Variants in PGLS observed in about 807,000 individuals in gnomAD.
PGLS encodes the protein 6-phosphogluconolactonase.
In PGLS, 21 loss-of-function variants were observed where a neutral mutation model predicts 23.2. The ratio of observed to expected loss-of-function variants is 0.91; its 90% confidence interval spans 0.64 to 1.31. The LOEUF (loss-of-function observed/expected upper bound fraction) is 1.31, where lower values mean the gene tolerates loss of function less well. PGLS is among the 50% of genes most tolerant of loss of function. The pLI is 0.00. For missense variants in PGLS, 410 were observed against 354.0 expected, an observed-to-expected ratio of 1.16 and a Z score of -1.27; for synonymous variants, 179 against 165.4, an observed-to-expected ratio of 1.08 and a Z score of -0.63.
Position 17,520,933 on chromosome 19 carries a change from C to G in PGLS, c.640-11C>G. On this transcript the variant is annotated splice_polypyrimidine_tract_variant and intron_variant, in intron 4 of 4. Transcript: ENST00000252603. ...GCAGGCAGGGCCTTACTCTTCTGCCCTCTTCTTCAGCGCATTTTGGAGGAC... is the reference window on the plus strand; with the variant it reads ...GCAGGCAGGGCCTTACTCTTCTGCCGTCTTCTTCAGCGCATTTTGGAGGAC... The G allele has an allele frequency of 1.3e-6, 2 of 1,587,298 alleles. No homozygotes were observed. The highest frequency in any genetic ancestry group is 1.3e-5 in the African/African-American group (1 of 74,424).
At chr19:17,517,884 A>G (rs372367113) in intron 4 of PGLS, 34 bp downstream of exon 4, 5 of 1,611,026 alleles carry the variant, frequency 3.1e-6, no homozygotes, top group Non-Finnish European at 2.5e-6. Flanking sequence ...TGGGAAGTTC[A>G]TGGGCATGTG....
rs145085408 is a variant in PGLS, at chr19:17,517,476, T to G, written c.498+87T>G. ...TCCAGAGGGAGAGCCACCTGCCGGG[T>G]GGGGTGTCTAGAGCCAGGGTTCAAG... On this transcript the variant is annotated intron_variant, in intron 3 of 4. Transcript: ENST00000252603. 927 of 1,127,568 alleles carry G rather than the reference T, an allele frequency of 8.2e-4. 4 individuals carry two copies. The African/African-American group carries it at 0.012, about 15-fold the overall frequency. The allele number at this position is 1,127,568 out of a possible 1,614,324, so 69.8% of individuals were successfully genotyped here. A position where few individuals can be genotyped will look rare whatever the true frequency, so the allele number is the denominator to read the frequency against.
At chr19:17,511,983 G>A (rs1026294604) in intron 1 of PGLS, 23 bp downstream of exon 1, 2 of 1,530,330 alleles carry the variant, frequency 1.3e-6, no homozygotes, top group South Asian at 2.4e-5. Context: ...GGGGCCGCCG[G>A]GGATCACGCC....
At chr19:17,520,686 G>A (rs543376655) in intron 4 of PGLS, 20 of 293,424 alleles carry the variant, frequency 6.8e-5, no homozygotes, top group Non-Finnish European at 1.1e-4. Flanking sequence ...AGCCAAGATC[G>A]TACCACTGCA....
At position 17,511,948 on chromosome 19, in the gene PGLS, C is replaced by A. The variant is rs772312440; in HGVS notation, c.276C>A (p.Tyr92Ter). The A allele has an allele frequency of 6.5e-7, 1 of 1,549,142 alleles. No individual in the cohort carries two copies. Among genetic ancestry groups the A allele is most frequent in the East Asian group, 2.5e-5 (1 of 40,508 alleles). The change falls in exon 1 of 5, where the codon TAC becomes TAA. Residue 92 changes from tyrosine (Y) to a stop codon, truncating the protein, a stop_gained. Coordinates refer to ENST00000252603, the MANE Select transcript of PGLS (RefSeq NM_012088.3). LOFTEE classifies it high-confidence loss of function. ...LVPFDHAEST[Y>*]GLYRTHLLSR... is the part of the protein sequence containing the mutation. Reference sequence around the variant, plus strand: ...CCTTCGATCACGCCGAGAGCACGTACGGCCTCTACCGGGTGAGAGCTACGG... The same window carrying A: ...CCTTCGATCACGCCGAGAGCACGTAAGGCCTCTACCGGGTGAGAGCTACGG...
At chr19:17,515,462 T>C (rs2075528075) in intron 1 of PGLS, among the ~76,000 whole-genome samples, 1 of 152,000 alleles carries the variant, frequency 6.6e-6, no homozygotes, top group Non-Finnish European at 1.5e-5. Context: ...CCAAGTGCTT[T>C]TGAGTTAAAT....
intron 4 of PGLS, chr19:17,520,302 C>A (rs563380936): frequency 6.6e-6 from 1 of 152,124 alleles, no homozygotes; most frequent in Admixed American, 6.6e-5. Flanking sequence ...AATCCCAGCA[C>A]TTTGGGAGAC....
chr19:17,518,024 A>C (rs1338297753), intron 4 of PGLS, among the ~76,000 whole-genome samples, 174 bp downstream of exon 4: 1 of 140,472 alleles, frequency 7.1e-6, no homozygotes, highest in Non-Finnish European at 1.5e-5. Flanking sequence ...AAAAAAAAAA[A>C]ACCCCAGAAA....
rs756327500 is a variant in PGLS, at chr19:17,517,278, C to G, written c.397-10C>G. On this transcript the variant is annotated splice_polypyrimidine_tract_variant and intron_variant, in intron 2 of 4. Coordinates refer to ENST00000252603, the MANE Select transcript of PGLS (RefSeq NM_012088.3). ...ACAACCTCTCAAGGCTGTCTTCTCC[C>G]CACGCCCAGGCATTCCAAGGGGACT... 6.2e-7 allele frequency: 1 copy of G among 1,602,868 alleles called. No individual in the cohort carries two copies. The highest frequency in any genetic ancestry group is 8.5e-7 in the Non-Finnish European group (1 of 1,170,038).
chr19:17,520,944 C>A lies in PGLS; in HGVS notation c.640C>A (p.Arg214Ser). 1 of 1,591,818 alleles carries A rather than the reference C, an allele frequency of 6.3e-7. No homozygotes were observed. The highest frequency in any genetic ancestry group is 8.6e-7 in the Non-Finnish European group (1 of 1,168,540). ...CTTACTCTTCTGCCCTCTTCTTCAG[C>A]GCATTTTGGAGGACCAGGAGGAAAA... is the stretch of plus-strand genomic sequence containing the variant. ...TGEGKAAVLK[R>S]ILEDQEENPL... is the part of the protein sequence containing the mutation. The change falls in exon 5 of 5, where the codon CGC becomes AGC. Residue 214 changes from arginine (R) to serine (S), a missense_variant and splice_region_variant. Transcript: ENST00000252603.
intron 1 of PGLS, 33 bp downstream of exon 1, chr19:17,511,993 C>G: frequency 6.6e-7 from 1 of 1,522,108 alleles, no homozygotes; most frequent in South Asian, 1.2e-5. Flanking sequence ...GGGATCACGC[C>G]GAGAGGGCCA....
chr19:17,516,421 A>G, intron 2 of PGLS, 141 bp downstream of exon 2: 5 of 1,434,674 alleles, frequency 3.5e-6, no homozygotes, highest in Non-Finnish European at 4.6e-6. Context: ...CCCCTCTTCG[A>G]GGCCACAGCC....
In PGLS at chr19:17,516,485, T is replaced by C. The variant is rs2075533157; in HGVS notation, c.396+205T>C. 4.3e-6 allele frequency: 6 copies of C among 1,379,542 alleles called. No individual in the cohort carries two copies. In the South Asian group the frequency reaches 9.2e-5, roughly 21 times the overall value. The allele number at this position is 1,379,542 out of a possible 1,614,324, so 85.5% of individuals were successfully genotyped here. On this transcript the variant is annotated intron_variant, in intron 2 of 4. Coordinates refer to ENST00000252603, the MANE Select transcript of PGLS (RefSeq NM_012088.3). ...GCCTCTGTTGCCCAGGTAACAGGCC[T>C]GGGTCCTCACATCTTGGGGAAATAT...
Position 17,520,994 on chromosome 19 carries a change from G to A in PGLS, c.690G>A (p.Gln230=). 3 of 1,599,888 alleles carry A rather than the reference G, an allele frequency of 1.9e-6. No homozygotes were observed. Among genetic ancestry groups the A allele is most frequent in the East Asian group, 2.3e-5 (1 of 44,320 alleles). The change falls in exon 5 of 5, where the codon CAG becomes CAA. Residue 230 remains glutamine (Q), a synonymous_variant. Transcript: ENST00000252603. The part of the protein sequence containing the change: ...EENPLPAALV[Q]PHTGKLCWFL... ...ACCCGCTGCCCGCCGCCCTGGTCCA[G>A]CCCCACACCGGGAAACTGTGCTGGT...
At chr19:17,516,309 G>A in intron 2 of PGLS, 29 bp downstream of exon 2, 1 of 1,603,392 alleles carries the variant, frequency 6.2e-7, no homozygotes, top group Non-Finnish European at 8.5e-7. Flanking sequence ...CCGCAAGGGA[G>A]TCACATCCAC....
At chr19:17,513,167 G>C (rs1396115873) in intron 1 of PGLS, 1 of 152,126 alleles carries the variant, frequency 6.6e-6, no homozygotes, top group Non-Finnish European at 1.5e-5. Flanking sequence ...GACGTGAGTA[G>C]ATCACCTGAG....
At chr19:17,519,708 T>G (rs1286635520) in intron 4 of PGLS, among the ~76,000 whole-genome samples, 1 of 151,842 alleles carries the variant, frequency 6.6e-6, no homozygotes, top group Non-Finnish European at 1.5e-5. Flanking sequence ...CCCAGAAAAG[T>G]TTTATTGGAA....
Position 17,517,865 on chromosome 19 carries a change from T to C in PGLS, c.639+15T>C. ...CTGTTCTGAAGGTAACAGCTGAGGG[T>C]TCTAGTCCTGGGAAGTTCATGGGCA... On this transcript the variant is annotated intron_variant, in intron 4 of 4. Coordinates refer to ENST00000252603, the MANE Select transcript of PGLS (RefSeq NM_012088.3). 4 of 1,613,674 alleles carry C rather than the reference T, an allele frequency of 2.5e-6. No individual in the cohort carries two copies. Among genetic ancestry groups the C allele is most frequent in the Non-Finnish European group, 3.4e-6 (4 of 1,179,926 alleles).
rs1422131652 is a variant in PGLS, at chr19:17,515,892, G to GC, written c.289-275dup. Reference sequence around the variant, plus strand: ...CCCAGGAGGGCCACCCTCCCGTCCAGCCCCCCAAGAGCAGCAGGGCTCCCT... The same window carrying GC: ...CCCAGGAGGGCCACCCTCCCGTCCAGCCCCCCCAAGAGCAGCAGGGCTCCCT... On this transcript the variant is annotated intron_variant, in intron 1 of 4. Coordinates refer to ENST00000252603, the MANE Select transcript of PGLS (RefSeq NM_012088.3). 99 of 316,876 alleles carry GC rather than the reference G, an allele frequency of 3.1e-4. 1 individual carries two copies. In the East Asian group the frequency reaches 6.2e-3, roughly 20 times the overall value. The allele number at this position is 316,876 out of a possible 1,614,324, so 19.6% of individuals were successfully genotyped here. A position where few individuals can be genotyped will look rare whatever the true frequency, so the allele number is the denominator to read the frequency against.
Sources: allele counts gnomAD v4.1 joint callset (sites outside exome capture counted in the v4.1 genomes callset), GRCh38; gene constraint gnomAD v4.1.1; transcripts MANE v1.5; gene names NCBI Gene and HGNC (gene_info 2026-07-23, HGNC 2026-07-21).